Variants in TOX2 observed in about 807,000 individuals in gnomAD.
TOX2 encodes TOX high mobility group box family member 2, also known as granulosa cell HMG box 1.
A neutral mutation model predicts 47.4 loss-of-function variants in TOX2; 15 were observed. The ratio of observed to expected loss-of-function variants is 0.32; its 90% confidence interval spans 0.21 to 0.49. The LOEUF is 0.49. Among genes scored for constraint, TOX2 ranks in the 20% least tolerant of loss-of-function variants. TOX2 has a pLI of 0.99. For missense variants in TOX2, 622 were observed against 673.1 expected, an observed-to-expected ratio of 0.92 and a Z score of 0.84; for synonymous variants, 290 against 296.6, an observed-to-expected ratio of 0.98 and a Z score of 0.23.
chr20:44,014,174 T>TCTCTCATC (rs2070833173), intron 3 of TOX2, among the ~76,000 whole-genome samples: 1 of 147,420 alleles, frequency 6.8e-6, no homozygotes, highest in East Asian at 2.0e-4. Flanking sequence ...GAGATGTGTG[T>TCTCTCATC]CTCTCATCAC....
At chr20:44,056,440 T>C (rs2071618241) in intron 5 of TOX2, among the ~76,000 whole-genome samples, 1 of 152,212 alleles carries the variant, frequency 6.6e-6, no homozygotes, top group Non-Finnish European at 1.5e-5. Flanking sequence ...GGGGATTTCC[T>C]TGCCGTTTTA....
chr20:43,960,101 G>T (rs182254707), intron 1 of TOX2, among the ~76,000 whole-genome samples: 4 of 152,186 alleles, frequency 2.6e-5, no homozygotes, highest in African/African-American at 9.7e-5. Context: ...TGAGGTTGTC[G>T]TGAGGATTAT....
chr20:43,932,078 G>A (rs1471114556), intron 1 of TOX2, among the ~76,000 whole-genome samples: 1 of 152,076 alleles, frequency 6.6e-6, no homozygotes, highest in Admixed American at 6.5e-5. Flanking sequence ...TTGGATCTGG[G>A]GTATGGTGGA....
At chr20:44,051,223 C>T in intron 3 of TOX2, 83 bp from the exon 4 acceptor site, 5 of 1,511,916 alleles carry the variant, frequency 3.3e-6, no homozygotes, top group Non-Finnish European at 3.5e-6. Context: ...TCTGCATTCC[C>T]TCCTCTAAGT....
At chr20:43,966,457 G>C (rs2069855061) in intron 1 of TOX2, among the ~76,000 whole-genome samples, 1 of 152,162 alleles carries the variant, frequency 6.6e-6, no homozygotes, top group South Asian at 2.1e-4. Context: ...GTGGGACGAT[G>C]TGTAAGAGTG....
In TOX2 at chr20:44,068,944, C is replaced by T; in HGVS notation, c.*258C>T. 1 of 644,948 alleles carries T rather than the reference C, an allele frequency of 1.6e-6. No homozygotes were observed. The highest frequency in any genetic ancestry group is 2.9e-6 in the Non-Finnish European group (1 of 344,030). The allele number at this position is 644,948 out of a possible 1,614,324, so 40.0% of individuals were successfully genotyped here. A position where few individuals can be genotyped will look rare whatever the true frequency, so the allele number is the denominator to read the frequency against. On this transcript the variant is annotated 3_prime_UTR_variant, in exon 9 of 9. Coordinates refer to ENST00000341197, the MANE Select transcript of TOX2 (RefSeq NM_001098797.2). ...CTGCTTGCTCCAGGGTAACTGTGGA[C>T]CCTGTCCTCGCCCTGCGCACGGTAC...
intron 3 of TOX2, among the ~76,000 whole-genome samples, chr20:44,044,649 C>T (rs746412847): frequency 4.6e-5 from 7 of 152,080 alleles, no homozygotes; most frequent in East Asian, 1.9e-4. Context: ...GTGTAGAAAC[C>T]GCAACCGGAA....
intron 2 of TOX2, among the ~76,000 whole-genome samples, chr20:44,002,507 A>G (rs1407728574): frequency 6.6e-6 from 1 of 152,248 alleles, no homozygotes; most frequent in Non-Finnish European, 1.5e-5. Context: ...CCCTGTAGAT[A>G]CATACTGTCA....
intron 1 of TOX2, among the ~76,000 whole-genome samples, chr20:43,932,505 C>T (rs1230122982): frequency 2.0e-5 from 3 of 152,176 alleles, no homozygotes; most frequent in Non-Finnish European, 2.9e-5. Context: ...TGAATTAGGA[C>T]GATTAGCAAA....
At chr20:44,011,544 C>G (rs1247328731) in intron 3 of TOX2, among the ~76,000 whole-genome samples, 1 of 152,208 alleles carries the variant, frequency 6.6e-6, no homozygotes, top group Non-Finnish European at 1.5e-5. Context: ...GAATTACTGT[C>G]ATGCAGCTCT....
intron 1 of TOX2, among the ~76,000 whole-genome samples, chr20:43,934,175 C>A (rs965140736): frequency 8.6e-6 from 1 of 115,710 alleles, no homozygotes; most frequent in African/African-American, 3.4e-5. Flanking sequence ...GAGACCTGCC[C>A]TCAGTCAGAA....
intron 3 of TOX2, among the ~76,000 whole-genome samples, chr20:44,012,518 G>T (rs1266854899): frequency 6.6e-6 from 1 of 152,214 alleles, no homozygotes; most frequent in Non-Finnish European, 1.5e-5. Flanking sequence ...CCCTGGAGTT[G>T]TGTGGTCTTG....
intron 1 of TOX2, among the ~76,000 whole-genome samples, chr20:43,927,506 C>CACACACACAT (rs1177882499): frequency 3.1e-4 from 39 of 126,728 alleles, no homozygotes; most frequent in Admixed American, 4.1e-4. Flanking sequence ...CACACACACA[C>CACACACACAT]ACACATCATG....
intron 4 of TOX2, among the ~76,000 whole-genome samples, chr20:44,052,396 G>A (rs1311608181): frequency 2.6e-5 from 4 of 152,174 alleles, no homozygotes; most frequent in Non-Finnish European, 4.4e-5. Context: ...GCCTCCCAGC[G>A]AGCTAGTGGC....
At chr20:43,952,403 A>G (rs1309166259) in intron 1 of TOX2, among the ~76,000 whole-genome samples, 1 of 152,112 alleles carries the variant, frequency 6.6e-6, no homozygotes, top group Non-Finnish European at 1.5e-5. Flanking sequence ...GTTGCTTATC[A>G]TAAGGAAGGC....
At chr20:43,984,100 G>A (rs977040976) in intron 2 of TOX2, among the ~76,000 whole-genome samples, 12 of 152,210 alleles carry the variant, frequency 7.9e-5, no homozygotes, top group Non-Finnish European at 1.8e-4. Flanking sequence ...ACCCGCTGTG[G>A]TGCGGAGAAG....
intron 1 of TOX2, among the ~76,000 whole-genome samples, chr20:43,972,306 C>A (rs1265713990): frequency 6.6e-6 from 1 of 152,194 alleles, no homozygotes; most frequent in Non-Finnish European, 1.5e-5. Context: ...GCATACAATT[C>A]ATGCCCCAGA....
intron 3 of TOX2, among the ~76,000 whole-genome samples, chr20:44,034,488 G>C (rs2071208400): frequency 6.6e-6 from 1 of 152,232 alleles, no homozygotes; most frequent in African/African-American, 2.4e-5. Flanking sequence ...GAGCAGCATG[G>C]AGCTCTGGGA....
At chr20:43,960,100 C>G (rs141293879) in intron 1 of TOX2, among the ~76,000 whole-genome samples, 5 of 152,132 alleles carry the variant, frequency 3.3e-5, no homozygotes, top group Non-Finnish European at 7.3e-5. Context: ...GTGAGGTTGT[C>G]GTGAGGATTA....
Sources: allele counts gnomAD v4.1 joint callset (sites outside exome capture counted in the v4.1 genomes callset), GRCh38; gene constraint gnomAD v4.1.1; transcripts MANE v1.5; gene names NCBI Gene and HGNC (gene_info 2026-07-23, HGNC 2026-07-21).